ADGRL3: variants seen among roughly 807,000 people sequenced by gnomAD.
ADGRL3 encodes the protein adhesion G protein-coupled receptor L3, also known as calcium-independent alpha-latrotoxin receptor 3.
In ADGRL3, 62 loss-of-function variants were observed where a neutral mutation model predicts 153.5. The observed-to-expected ratio is 0.40, with a 90% CI of 0.33 to 0.50. ADGRL3 has a LOEUF of 0.50. Among genes scored for constraint, ADGRL3 ranks in the 20% least tolerant of loss-of-function variants. The pLI is 0.47. For synonymous variants in ADGRL3, 710 were observed against 672.5 expected, an observed-to-expected ratio of 1.06 and a Z score of -0.86; for missense variants, 1,641 against 1,859.4, an observed-to-expected ratio of 0.88 and a Z score of 2.16.
At chr4:61,957,154 C>T (rs760686201) in intron 17 of ADGRL3, among the ~76,000 whole-genome samples, 5 of 152,096 alleles carry the variant, frequency 3.3e-5, no homozygotes, top group African/African-American at 4.8e-5. Context: ...AATATTGATT[C>T]GTCCTATCCA....
chr4:62,061,585 G>T (rs1053698270), intron 25 of ADGRL3, among the ~76,000 whole-genome samples: 9 of 151,918 alleles, frequency 5.9e-5, no homozygotes, highest in African/African-American at 2.2e-4. Context: ...GCGTCATGTT[G>T]TCCTTTCATG....
At chr4:61,994,118 A>C (rs2099113459) in intron 19 of ADGRL3, among the ~76,000 whole-genome samples, 1 of 152,172 alleles carries the variant, frequency 6.6e-6, no homozygotes, top group Non-Finnish European at 1.5e-5. Flanking sequence ...ATTTAACTTA[A>C]TAGAAGAAGG....
intron 21 of ADGRL3, among the ~76,000 whole-genome samples, chr4:62,020,801 T>G (rs1342076904): frequency 6.6e-6 from 1 of 152,138 alleles, no homozygotes; most frequent in Non-Finnish European, 1.5e-5. Flanking sequence ...TAGTGGACTT[T>G]TCATCACTAA....
At chr4:61,746,800 A>G (rs920642075) in intron 8 of ADGRL3, among the ~76,000 whole-genome samples, 5 of 152,174 alleles carry the variant, frequency 3.3e-5, no homozygotes, top group African/African-American at 1.2e-4. Flanking sequence ...TAAAAGAACT[A>G]GAAAAGCAAG....
In ADGRL3 at chr4:62,053,954, ATT is replaced by A. The variant is rs572882713; in HGVS notation, c.3814+9408_3814+9409del. ...TTAATAATATGTTCATTTGTTCTGC[ATT>A]TTGTTTTATTTCAGCACAAATTCAC... On this transcript the variant is annotated intron_variant, in intron 25 of 26. Coordinates refer to ENST00000683033, the MANE Select transcript of ADGRL3 (RefSeq NM_001387552.1). Among the ~76,000 whole-genome samples the A allele has an allele frequency of 4.2e-4, 63 of 151,570 alleles. 2 individuals are homozygous for A. In the East Asian group the frequency reaches 0.011, roughly 27 times the overall value.
chr4:61,799,038 T>TATATAC lies in ADGRL3; in HGVS notation c.1400-14770_1400-14769insTATACA, dbSNP rs1411460409. ...ATATATATATATATATATATATATA[T>TATATAC]ACCATATATTGTATAGTTATACAGT... is the stretch of plus-strand genomic sequence containing the variant. On this transcript the variant is annotated intron_variant, in intron 8 of 26. Coordinates refer to ENST00000683033, the MANE Select transcript of ADGRL3 (RefSeq NM_001387552.1). Among the ~76,000 whole-genome samples the TATATAC allele has an allele frequency of 1.4e-3, 165 of 115,688 alleles. 1 individual carries two copies. The highest frequency in any genetic ancestry group is 4.6e-3 in the African/African-American group (131 of 28,590). 75.9% of individuals were successfully genotyped at this position (115,688 alleles called of 152,430 possible).
chr4:61,908,062 G>T (rs1054639534), intron 11 of ADGRL3, among the ~76,000 whole-genome samples: 2 of 152,078 alleles, frequency 1.3e-5, no homozygotes, highest in African/African-American at 2.4e-5. Context: ...TCAGTGTTTT[G>T]GGAGGCCAAA....
intron 11 of ADGRL3, among the ~76,000 whole-genome samples, chr4:61,898,857 T>C (rs1022035044): frequency 1.3e-5 from 2 of 152,120 alleles, no homozygotes; most frequent in Non-Finnish European, 2.9e-5. Context: ...GCTCAGGCAA[T>C]CTGCCTGTCA....
intron 6 of ADGRL3, among the ~76,000 whole-genome samples, chr4:61,691,455 A>G (rs1466392315): frequency 6.6e-6 from 1 of 152,078 alleles, no homozygotes; most frequent in African/African-American, 2.4e-5. Flanking sequence ...TTTTATGGAT[A>G]TTGGAGTTAA....
chr4:61,300,768 C>CTTT (rs1239709667), intron 1 of ADGRL3, among the ~76,000 whole-genome samples: 4 of 28,932 alleles, frequency 1.4e-4, no homozygotes, highest in Non-Finnish European at 2.3e-4. Flanking sequence ...TTCTTTCTTT[C>CTTT]TTTTTTTTTT....
chr4:61,294,328 T>G (rs549903900), intron 1 of ADGRL3, among the ~76,000 whole-genome samples: 1 of 152,278 alleles, frequency 6.6e-6, no homozygotes, highest in South Asian at 2.1e-4. Flanking sequence ...ATTGAGCATT[T>G]TATTATAAAG....
intron 1 of ADGRL3, among the ~76,000 whole-genome samples, chr4:61,305,331 A>G (rs1490408614): frequency 2.0e-5 from 3 of 152,186 alleles, no homozygotes; most frequent in Admixed American, 6.5e-5. Flanking sequence ...ACATTATTAT[A>G]TCATTATAGA....
At chr4:61,564,164 G>A (rs2149025130) in intron 4 of ADGRL3, among the ~76,000 whole-genome samples, 1 of 152,096 alleles carries the variant, frequency 6.6e-6, no homozygotes, top group Admixed American at 6.6e-5. Flanking sequence ...GGAATATTAT[G>A]GCTGTTTTGA....
chr4:61,793,835 G>A (rs1393531299), intron 8 of ADGRL3, among the ~76,000 whole-genome samples: 2 of 151,958 alleles, frequency 1.3e-5, no homozygotes, highest in Non-Finnish European at 2.9e-5. Context: ...TCAACATATG[G>A]TCATGCCAAA....
At chr4:61,218,237 G>C (rs1743760418) in intron 1 of ADGRL3, among the ~76,000 whole-genome samples, 1 of 152,102 alleles carries the variant, frequency 6.6e-6, no homozygotes. Context: ...AAAAGAGGAA[G>C]AGTCCTATAA....
rs144017005 is a variant in ADGRL3 at position 61,467,617 on chromosome 4, C to A, written c.-173-29504C>A. Among the ~76,000 whole-genome samples the A allele has an allele frequency of 1.8e-4, 28 of 152,110 alleles. 1 individual carries two copies. The East Asian group carries it at 5.2e-3, about 28-fold the overall frequency. The stretch of plus-strand genomic sequence containing the variant: ...AGCATTCTCATTTAAAGTAGAAACA[C>A]TCTGAAGTGGATATGATCTCTGGTT... On this transcript the variant is annotated intron_variant, in intron 2 of 26. Transcript: ENST00000683033.
intron 1 of ADGRL3, among the ~76,000 whole-genome samples, chr4:61,374,083 A>G (rs1168947149): frequency 1.3e-5 from 2 of 152,102 alleles, no homozygotes; most frequent in African/African-American, 2.4e-5. Flanking sequence ...AGCTTGAATC[A>G]TGTATGAGTA....
At position 61,388,531 on chromosome 4, in the gene ADGRL3, G is replaced by A. The variant is rs192835078; in HGVS notation, c.-174+5342G>A. Among the ~76,000 whole-genome samples, 137 of 152,334 alleles carry A rather than the reference G, an allele frequency of 9.0e-4. 1 individual carries two copies. Among genetic ancestry groups the A allele is most frequent in the South Asian group, 2.1e-3 (10 of 4,830 alleles). ...TCTTTGGGCACAAATTATTGGAGTAGTTCTTTAATCCTCTATCTCACACAT... is the reference window on the plus strand; with the variant it reads ...TCTTTGGGCACAAATTATTGGAGTAATTCTTTAATCCTCTATCTCACACAT... On this transcript the variant is annotated intron_variant, in intron 2 of 26. Transcript: ENST00000683033.
chr4:61,514,192 T>G (rs2098478987), intron 3 of ADGRL3, among the ~76,000 whole-genome samples: 1 of 152,146 alleles, frequency 6.6e-6, no homozygotes, highest in Non-Finnish European at 1.5e-5. Context: ...CCACCTTCCT[T>G]GACCTAAGGA....
Sources: allele counts gnomAD v4.1 joint callset (sites outside exome capture counted in the v4.1 genomes callset), GRCh38; gene constraint gnomAD v4.1.1; transcripts MANE v1.5; gene names NCBI Gene and HGNC (gene_info 2026-07-23, HGNC 2026-07-21).